The following CDK14 variants were observed in gnomAD, a reference collection of about 807,000 sequenced individuals.
The protein encoded by CDK14 is cyclin dependent kinase 14.
A neutral mutation model predicts 60.7 loss-of-function variants in CDK14; 34 were observed. The observed-to-expected ratio is 0.56, with a 90% CI of 0.43 to 0.75. CDK14 has a LOEUF of 0.75. Ranked by LOEUF, CDK14 falls within the 30% of genes least tolerant of loss-of-function variation. CDK14 has a pLI of 0.00. For missense variants in CDK14, 482 were observed against 564.1 expected (o/e 0.85, Z 1.47); for synonymous variants, 197 against 203.7 (o/e 0.97, Z 0.28).
chr7:91,034,191 G>A (rs949925607), intron 10 of CDK14, among the ~76,000 whole-genome samples: 1 of 152,032 alleles, frequency 6.6e-6, no homozygotes, highest in African/African-American at 2.4e-5. Context: ...GTATAACTAA[G>A]TGCTGCAGCC....
chr7:91,014,065 C>G (rs1272358722), intron 10 of CDK14, among the ~76,000 whole-genome samples: 2 of 151,978 alleles, frequency 1.3e-5, no homozygotes, highest in African/African-American at 2.4e-5. Flanking sequence ...AAATATCACA[C>G]TAGATGACAT....
At chr7:90,709,624 G>A in intron 2 of CDK14, 1 of 1,602,204 alleles carries the variant, frequency 6.2e-7, no homozygotes. Context: ...AGTCCATCGT[G>A]TTTGGAAAAA....
At chr7:90,935,746 A>G (rs542984229) in intron 8 of CDK14, among the ~76,000 whole-genome samples, 1 of 152,184 alleles carries the variant, frequency 6.6e-6, no homozygotes, top group Admixed American at 6.5e-5. Context: ...GACGTCACAG[A>G]TAGTCATAAA....
chr7:90,632,868 C>T (rs6961466), intron 2 of CDK14, among the ~76,000 whole-genome samples: 40,881 of 151,982 alleles, frequency 0.27, 5,817 homozygotes, highest in Middle Eastern at 0.4. Context: ...GTGGGCGGAT[C>T]ACCTGAGGTC....
chr7:91,099,570 C>A (rs1351914405), intron 12 of CDK14, among the ~76,000 whole-genome samples: 1 of 152,026 alleles, frequency 6.6e-6, no homozygotes. Context: ...CATTTTAAAA[C>A]CTGTGAAGTC....
intron 14 of CDK14, among the ~76,000 whole-genome samples, chr7:91,134,564 G>T (rs186708489): frequency 3.3e-5 from 5 of 152,190 alleles, no homozygotes; most frequent in African/African-American, 1.2e-4. Flanking sequence ...ATTTTGAGAA[G>T]AAAATTTCTA....
intron 2 of CDK14, among the ~76,000 whole-genome samples, chr7:90,652,208 T>C (rs1375320745): frequency 6.6e-6 from 1 of 152,226 alleles, no homozygotes; most frequent in Non-Finnish European, 1.5e-5. Context: ...TGATAGTTTG[T>C]GTATATTAAA....
intron 2 of CDK14, among the ~76,000 whole-genome samples, chr7:90,661,834 C>A (rs1401210841): frequency 9.9e-5 from 15 of 152,116 alleles, no homozygotes; most frequent in Admixed American, 9.8e-4. Context: ...CTATCTCATA[C>A]AGCAAGGCTG....
rs1348196783 is a variant in CDK14, at chr7:91,207,762, T to G, written c.*626T>G. On this transcript the variant is annotated 3_prime_UTR_variant, in exon 15 of 15. Transcript: ENST00000380050. Reference sequence around the variant, plus strand: ...TTTTTACTTGGAAATAACTGCACATTTATATATAGGATATTGGACTCTGCT... The same window carrying G: ...TTTTTACTTGGAAATAACTGCACATGTATATATAGGATATTGGACTCTGCT... 6.5e-6 allele frequency: 1 copy of G among 152,680 alleles called. No individual in the cohort carries two copies. The highest frequency in any genetic ancestry group is 1.5e-5 in the Non-Finnish European group (1 of 68,042). 9.5% of individuals were successfully genotyped at this position (152,680 alleles called of 1,614,324 possible). A position where few individuals can be genotyped will look rare whatever the true frequency, so the allele number is the denominator to read the frequency against.
At chr7:91,166,727 G>T (rs1386196326) in intron 14 of CDK14, among the ~76,000 whole-genome samples, 1 of 152,100 alleles carries the variant, frequency 6.6e-6, no homozygotes, top group African/African-American at 2.4e-5. Context: ...TTCAGTTTTT[G>T]TCATTCAGAG....
intron 14 of CDK14, among the ~76,000 whole-genome samples, chr7:91,149,087 T>C (rs1443633712): frequency 6.6e-6 from 1 of 152,158 alleles, no homozygotes; most frequent in Non-Finnish European, 1.5e-5. Flanking sequence ...GAGAAAGGAA[T>C]CATTGCAATA....
chr7:91,066,427 G>C (rs1797983406), intron 11 of CDK14, among the ~76,000 whole-genome samples: 2 of 152,112 alleles, frequency 1.3e-5, no homozygotes, highest in Admixed American at 6.6e-5. Flanking sequence ...CAAGTCCTTT[G>C]AACATATGTG....
chr7:91,159,728 G>A (rs1364872274), intron 14 of CDK14, among the ~76,000 whole-genome samples: 1 of 152,176 alleles, frequency 6.6e-6, no homozygotes, highest in African/African-American at 2.4e-5. Flanking sequence ...ACAACCAAGA[G>A]TCCGCCAGAA....
intron 4 of CDK14, among the ~76,000 whole-genome samples, chr7:90,763,078 A>T (rs1012021785): frequency 1.3e-5 from 2 of 152,216 alleles, no homozygotes; most frequent in Non-Finnish European, 2.9e-5. Context: ...GCATTACATG[A>T]TGATAAAGAG....
intron 14 of CDK14, among the ~76,000 whole-genome samples, chr7:91,165,045 G>C (rs558596952): frequency 6.6e-6 from 1 of 152,198 alleles, no homozygotes; most frequent in African/African-American, 2.4e-5. Context: ...GGACAGTAGG[G>C]AAAGAAAGGT....
At chr7:91,017,555 C>T (rs1796331997) in intron 10 of CDK14, among the ~76,000 whole-genome samples, 1 of 152,176 alleles carries the variant, frequency 6.6e-6, no homozygotes, top group Admixed American at 6.5e-5. Flanking sequence ...ACACTTTAGG[C>T]TCAGCAGTAG....
Position 90,984,240 on chromosome 7 carries a change from T to C in CDK14, c.1040T>C (p.Leu347Pro), listed in dbSNP as rs754224017. ...CAGGATCAACTTGAACGAATATTTC[T>C]GGTAAGTCCTTTACAGAGTATTTCT... ...DIQDQLERIFLVLGTPNEDTW... is the reference protein window; with the variant it reads ...DIQDQLERIFPVLGTPNEDTW... Residue 347 changes from leucine to proline, a missense_variant and splice_region_variant, in exon 10 of 15, where the codon CTG (leucine) becomes CCG (proline). Physicochemically the swap from Leu to Pro is moderately conservative, Grantham distance 98. Coordinates refer to ENST00000380050, the MANE Select transcript of CDK14 (RefSeq NM_001287135.2). The C allele has an allele frequency of 6.3e-7, 1 of 1,596,096 alleles. No individual in the cohort carries two copies. Among genetic ancestry groups the C allele is most frequent in the South Asian group, 1.1e-5 (1 of 90,712 alleles).
intron 12 of CDK14, among the ~76,000 whole-genome samples, chr7:91,109,357 G>A (rs542475385): frequency 4.6e-5 from 7 of 152,140 alleles, no homozygotes; most frequent in Admixed American, 2.0e-4. Context: ...ATTTGTCAGC[G>A]TTCACCAGCT....
intron 11 of CDK14, among the ~76,000 whole-genome samples, chr7:91,055,625 C>T (rs1383794756): frequency 6.6e-6 from 1 of 152,194 alleles, no homozygotes; most frequent in Admixed American, 6.5e-5. Flanking sequence ...CACCTCATAT[C>T]GCTAAAGTTG....
Sources: allele counts gnomAD v4.1 joint callset (sites outside exome capture counted in the v4.1 genomes callset), GRCh38; gene constraint gnomAD v4.1.1; transcripts MANE v1.5; gene names NCBI Gene and HGNC (gene_info 2026-07-23, HGNC 2026-07-21).